BMAL2: variants seen among roughly 807,000 people sequenced by gnomAD.
The protein encoded by BMAL2 is basic helix-loop-helix ARNT-like protein 2.
chr12:27,389,858 T>G, the BMAL2 span: 1 of 354,050 alleles, frequency 2.8e-6, no homozygotes, highest in East Asian at 4.5e-5. Flanking sequence ...TTCTTCCCCA[T>G]TTGAGGAAAA....
chr12:27,338,403 C>T, the BMAL2 span, among the ~76,000 whole-genome samples: 13 of 151,558 alleles, frequency 8.6e-5, no homozygotes, highest in Non-Finnish European at 1.6e-4. Flanking sequence ...AAAGAGGGAC[C>T]ACAGAAGGCT....
At chr12:27,374,281 G>A in the BMAL2 span, among the ~76,000 whole-genome samples, 3 of 151,370 alleles carry the variant, frequency 2.0e-5, no homozygotes, top group Non-Finnish European at 4.4e-5. Flanking sequence ...AAAAAAAAAA[G>A]CAAGTCTGTA....
the BMAL2 span, among the ~76,000 whole-genome samples, chr12:27,357,229 T>C: frequency 6.6e-6 from 1 of 152,200 alleles, no homozygotes; most frequent in Non-Finnish European, 1.5e-5. Flanking sequence ...TGCAAATATC[T>C]TTTTTATATA....
chr12:27,363,182 C>T, the BMAL2 span, among the ~76,000 whole-genome samples: 3 of 152,114 alleles, frequency 2.0e-5, no homozygotes, highest in Non-Finnish European at 4.4e-5. Context: ...GTTAGTATTC[C>T]ATTCAGTAAC....
chr12:27,403,522 G>A, the BMAL2 span: 29 of 1,597,998 alleles, frequency 1.8e-5, no homozygotes, highest in Non-Finnish European at 2.1e-5. Flanking sequence ...TATTGCAAAT[G>A]AAATTCTGGA....
chr12:27,386,404 T>A, the BMAL2 span, among the ~76,000 whole-genome samples: 3 of 152,206 alleles, frequency 2.0e-5, no homozygotes, highest in Non-Finnish European at 2.9e-5. Flanking sequence ...CCCGCTTCCA[T>A]GCAGGCTGCT....
At chr12:27,376,263 C>G in the BMAL2 span, 1 of 1,246,280 alleles carries the variant, frequency 8.0e-7, no homozygotes, top group South Asian at 1.3e-5. Flanking sequence ...ATTGATTGGA[C>G]TTAATCTCAC....
chr12:27,383,109 C>T, the BMAL2 span, among the ~76,000 whole-genome samples: 5 of 152,282 alleles, frequency 3.3e-5, no homozygotes, highest in South Asian at 2.1e-4. Flanking sequence ...GTGGTTCACA[C>T]GCATGCGTCC....
the BMAL2 span, among the ~76,000 whole-genome samples, chr12:27,410,447 G>A: frequency 2.6e-5 from 4 of 152,186 alleles, no homozygotes; most frequent in Non-Finnish European, 5.9e-5. Flanking sequence ...CCTTTGTAGG[G>A]ACATGGATGA....
chr12:27,388,371 C>A, the BMAL2 span, among the ~76,000 whole-genome samples: 1,554 of 152,280 alleles, frequency 0.01, 34 homozygotes, highest in African/African-American at 0.035. Flanking sequence ...AAACATATAA[C>A]CGCCAAACAA....
At chr12:27,340,606 T>G in the BMAL2 span, among the ~76,000 whole-genome samples, 1 of 152,202 alleles carries the variant, frequency 6.6e-6, no homozygotes. Flanking sequence ...TTTGGTTCCA[T>G]ATGCATTTTA....
the BMAL2 span, among the ~76,000 whole-genome samples, chr12:27,400,255 A>G: frequency 6.6e-6 from 1 of 152,194 alleles, no homozygotes; most frequent in African/African-American, 2.4e-5. Flanking sequence ...AAATATGTTA[A>G]GTCATAGACC....
the BMAL2 span, among the ~76,000 whole-genome samples, chr12:27,407,662 C>T: frequency 3.3e-5 from 5 of 151,664 alleles, no homozygotes; most frequent in African/African-American, 1.2e-4. Context: ...AAATTGACAC[C>T]CTAAAATCAC....
chr12:27,366,063 G>A, the BMAL2 span, among the ~76,000 whole-genome samples: 2 of 151,640 alleles, frequency 1.3e-5, no homozygotes, highest in South Asian at 4.2e-4. Flanking sequence ...ATTTCCTCTT[G>A]CCCCATGAAT....
the BMAL2 span, chr12:27,401,749 T>C: frequency 8.9e-7 from 1 of 1,123,614 alleles, no homozygotes; most frequent in African/African-American, 1.6e-5. Context: ...CTCATCTTGC[T>C]AAACCATTAA....
chr12:27,366,935 C>G, the BMAL2 span, among the ~76,000 whole-genome samples: 1 of 152,148 alleles, frequency 6.6e-6, no homozygotes, highest in Non-Finnish European at 1.5e-5. Flanking sequence ...AATCTGATGA[C>G]AGTCGGCCCC....
At chr12:27,334,184 T>C in the BMAL2 span, among the ~76,000 whole-genome samples, 5 of 152,290 alleles carry the variant, frequency 3.3e-5, no homozygotes, top group South Asian at 1.0e-3. Flanking sequence ...GGTAAACCCT[T>C]TGTTGAAAAT....
At chr12:27,333,298 C>T in the BMAL2 span, among the ~76,000 whole-genome samples, 2 of 151,918 alleles carry the variant, frequency 1.3e-5, no homozygotes, top group African/African-American at 4.8e-5. Context: ...CGGCGCGGCG[C>T]CCGGCGCGTC....
chr12:27,415,835 A>C, the BMAL2 span: 2 of 1,456,920 alleles, frequency 1.4e-6, no homozygotes, highest in Admixed American at 1.8e-5. Flanking sequence ...AAAATATGTA[A>C]AATTAAAAAT....
Sources: allele counts gnomAD v4.1 joint callset (sites outside exome capture counted in the v4.1 genomes callset), GRCh38; gene constraint gnomAD v4.1.1; transcripts MANE v1.5; gene names NCBI Gene and HGNC (gene_info 2026-07-23, HGNC 2026-07-21).